The following USP32 variants were observed in gnomAD, a reference collection of about 807,000 sequenced individuals.
USP32 encodes the protein ubiquitin carboxyl-terminal hydrolase 32.
In USP32, 59 loss-of-function variants were observed where a neutral mutation model predicts 204.8. The ratio of observed to expected loss-of-function variants is 0.29; its 90% CI spans 0.23 to 0.36. USP32 has a LOEUF of 0.36. USP32 is among the 10% of genes least tolerant of loss of function. The pLI, the probability that USP32 is intolerant of heterozygous loss-of-function variation, is 1.00. For missense variants in USP32, 1,160 were observed against 1,946.4 expected, an observed-to-expected ratio of 0.60 and a Z score of 7.60; for synonymous variants, 517 against 678.4, an observed-to-expected ratio of 0.76 and a Z score of 3.70.
intron 1 of USP32, among the ~76,000 whole-genome samples, chr17:60,349,596 A>AATATATATATATATATAT (rs1187939098): frequency 4.6e-5 from 3 of 65,174 alleles, no homozygotes; most frequent in Non-Finnish European, 5.0e-5. Flanking sequence ...AAAAAAAAAA[A>AATATATATATATATATAT]ATATATATAT....
At chr17:60,183,849 T>C (rs2084177287) in intron 30 of USP32, among the ~76,000 whole-genome samples, 1 of 152,230 alleles carries the variant, frequency 6.6e-6, no homozygotes, top group Non-Finnish European at 1.5e-5. Context: ...TCACACTGAA[T>C]TGCAGTTACT....
At chr17:60,419,417 A>T (rs1343022869) in intron 1 of USP32, among the ~76,000 whole-genome samples, 1 of 152,148 alleles carries the variant, frequency 6.6e-6, no homozygotes, top group Non-Finnish European at 1.5e-5. Flanking sequence ...AATGGGTACT[A>T]GGCTTAATAC....
chr17:60,288,423 A>C (rs2087178548), intron 5 of USP32, 100 bp downstream of exon 5: 34 of 1,378,834 alleles, frequency 2.5e-5, no homozygotes, highest in Non-Finnish European at 3.1e-5. Flanking sequence ...CTGGGACAGA[A>C]TTTAAATAAA....
intron 7 of USP32, among the ~76,000 whole-genome samples, chr17:60,267,398 C>A (rs971890863): frequency 6.6e-6 from 1 of 151,996 alleles, no homozygotes; most frequent in Non-Finnish European, 1.5e-5. Context: ...TGCGAGACTT[C>A]GTCTCAAAAA....
At position 60,231,625 on chromosome 17, in the gene USP32, C is replaced by T. The variant is rs79851920; in HGVS notation, c.1239+4513G>A. On this transcript the variant is annotated intron_variant, in intron 12 of 33. Coordinates refer to ENST00000300896, the MANE Select transcript of USP32 (RefSeq NM_032582.4). The stretch of plus-strand genomic sequence containing the variant: ...TTGGCTAAGGAGAACAGGGACCCCC[C>T]AAAGCCCATGGGAGAGAGGCACGAA... 2,786 of 516,366 alleles carry T rather than the reference C, an allele frequency of 5.4e-3. 64 individuals are homozygous for T. Among genetic ancestry groups the T allele is most frequent in the African/African-American group, 0.049 (2,529 of 52,022 alleles). The allele number at this position is 516,366 out of a possible 1,614,324, so 32.0% of individuals were successfully genotyped here. A position where few individuals can be genotyped will look rare whatever the true frequency, so the allele number is the denominator to read the frequency against.
chr17:60,230,371 C>CTA (rs1033472872), intron 12 of USP32, among the ~76,000 whole-genome samples: 2 of 152,098 alleles, frequency 1.3e-5, no homozygotes, highest in Non-Finnish European at 2.9e-5. Context: ...TAGGTTAAAT[C>CTA]TATATATATC....
chr17:60,392,069 A>T lies in USP32; in HGVS notation c.-130T>A. On this transcript the variant is annotated 5_prime_UTR_variant, in exon 1 of 34. An upstream open reading frame in the 5' UTR gains an earlier in-frame stop. Coordinates refer to ENST00000300896, the MANE Select transcript of USP32 (RefSeq NM_032582.4). ...CCCGCCCCCACCTCCCCCCACACTA[A>T]CAAGTGCGGCTTCTGCCCCGGCGGC... 1.0e-6 allele frequency: 1 copy of T among 1,002,896 alleles called. No homozygotes were observed. Among genetic ancestry groups the T allele is most frequent in the Non-Finnish European group, 1.4e-6 (1 of 722,862 alleles). The allele number at this position is 1,002,896 out of a possible 1,614,324, so 62.1% of individuals were successfully genotyped here. A position where few individuals can be genotyped will look rare whatever the true frequency, so the allele number is the denominator to read the frequency against.
upstream of USP32, among the ~76,000 whole-genome samples, chr17:60,395,948 G>A (rs1255007313): frequency 6.6e-6 from 1 of 151,926 alleles, no homozygotes; most frequent in Non-Finnish European, 1.5e-5. Flanking sequence ...TTGCTACAAC[G>A]TGACACCAAC....
chr17:60,391,912 A>T lies in USP32; in HGVS notation c.28T>A (p.Phe10Ile). The T allele has an allele frequency of 6.2e-7, 1 of 1,612,122 alleles. No homozygotes were observed. The highest frequency in any genetic ancestry group is 2.2e-5 in the East Asian group (1 of 44,622). Residue 10 changes from phenylalanine (F) to isoleucine (I), a missense_variant, in exon 1 of 34, where the codon TTC (phenylalanine) becomes ATC (isoleucine). By Grantham distance (21) the Phe-to-Ile change is conservative. Coordinates refer to ENST00000300896, the MANE Select transcript of USP32 (RefSeq NM_032582.4). MGAKESRIG[F>I]LSYEEALRRV... ...CTCAGCGCCTCCTCGTAGCTGAGGA[A>T]TCCGATCCGTGACTCCTTGGCACCC... is the stretch of plus-strand genomic sequence containing the variant.
rs34842511 is a variant in USP32, at chr17:60,244,029, G to GTTTTT, written c.1137-7794_1137-7790dup. Among the ~76,000 whole-genome samples, 146 of 71,676 alleles carry GTTTTT rather than the reference G, an allele frequency of 2.0e-3. 2 individuals carry two copies. The highest frequency in any genetic ancestry group is 4.3e-3 in the African/African-American group (61 of 14,182). The allele number at this position is 71,676 out of a possible 152,430, so 47.0% of individuals were successfully genotyped here. On this transcript the variant is annotated intron_variant, in intron 11 of 33. Coordinates refer to ENST00000300896, the MANE Select transcript of USP32 (RefSeq NM_032582.4). The stretch of plus-strand genomic sequence containing the variant: ...TTTGAATCTCAAGTAGCTGGATTGT[G>GTTTTT]TTTTTTTTTTTTTTTTTTTTTTTTG...
intron 1 of USP32, among the ~76,000 whole-genome samples, chr17:60,374,432 T>A (rs1461571094): frequency 6.6e-6 from 1 of 151,528 alleles, no homozygotes; most frequent in African/African-American, 2.4e-5. Context: ...TCTTACTCTG[T>A]CTCCCAGGCT....
At chr17:60,229,623 C>T (rs1047313320) in intron 12 of USP32, among the ~76,000 whole-genome samples, 9 of 152,230 alleles carry the variant, frequency 5.9e-5, no homozygotes, top group South Asian at 2.1e-4. Flanking sequence ...AGTAACAGCG[C>T]CACCTTTGAG....
intron 2 of USP32, among the ~76,000 whole-genome samples, chr17:60,318,980 T>A (rs1475362560): frequency 1.3e-5 from 2 of 152,174 alleles, no homozygotes; most frequent in Non-Finnish European, 2.9e-5. Flanking sequence ...CTAAGTGAAA[T>A]AAGCCAGCTA....
At chr17:60,236,032 GAGCATTTTATTATTGGCTGGTAGTCAT>G (rs1567791273) in intron 12 of USP32, 79 bp downstream of exon 12, 34 of 870,180 alleles carry the variant, frequency 3.9e-5, no homozygotes, top group Non-Finnish European at 4.5e-5. Flanking sequence ...ATTTAAGTTG[GAGCATTTTATTATTGGCTGGTAGTCAT>G]AGCATTTTAT....
intron 29 of USP32, 197 bp from the exon 30 acceptor site, chr17:60,185,848 G>A: frequency 3.6e-6 from 2 of 559,062 alleles, no homozygotes; most frequent in Non-Finnish European, 5.9e-6. Context: ...AATTGCTTGA[G>A]TCCAGGAGTT....
At chr17:60,258,689 C>T (rs146048628) in intron 9 of USP32, among the ~76,000 whole-genome samples, 5 of 152,240 alleles carry the variant, frequency 3.3e-5, no homozygotes, top group African/African-American at 9.6e-5. Context: ...GAGAACACTT[C>T]GCTGTTTTAC....
intron 1 of USP32, among the ~76,000 whole-genome samples, chr17:60,369,024 T>TC (rs1209527721): frequency 7.6e-6 from 1 of 130,810 alleles, no homozygotes; most frequent in African/African-American, 3.8e-5. Flanking sequence ...AGACGGAGTC[T>TC]CGCTCTGTCG....
intron 1 of USP32, among the ~76,000 whole-genome samples, chr17:60,363,801 G>C (rs1169047368): frequency 6.6e-6 from 1 of 151,736 alleles, no homozygotes; most frequent in African/African-American, 2.4e-5. Context: ...GCCTGAATAG[G>C]TATAATTTCA....
At chr17:60,365,323 A>G (rs953370572) in intron 1 of USP32, among the ~76,000 whole-genome samples, 1 of 151,984 alleles carries the variant, frequency 6.6e-6, no homozygotes, top group Non-Finnish European at 1.5e-5. Context: ...TAATGAAAAA[A>G]TATAAAAATT....
Sources: gnomAD v4.1 joint callset for allele counts (sites outside exome capture counted in the v4.1 genomes callset) on GRCh38, gnomAD v4.1.1 for gene constraint, MANE v1.5 for transcripts, NCBI Gene and HGNC (gene_info 2026-07-23, HGNC 2026-07-21) for gene names.